The following LIG1 variants were observed in gnomAD, a reference collection of about 807,000 sequenced individuals.
LIG1 encodes ligase I, DNA, ATP-dependent.
Under a neutral mutation model 115.7 loss-of-function variants are expected in LIG1, and 70 were observed. That is an observed-to-expected ratio of 0.60 (90% CI 0.50 to 0.74). The LOEUF (loss-of-function observed/expected upper bound fraction) is 0.74. Ranked by LOEUF, LIG1 falls within the 30% of genes least tolerant of loss-of-function variation. The pLI, the probability that LIG1 is intolerant of heterozygous loss-of-function variation, is 0.00. For missense variants in LIG1, 1,115 were observed against 1,225.6 expected (o/e 0.91, Z 1.35); for synonymous variants, 487 against 495.3 (o/e 0.98, Z 0.22).
At chr19:48,126,168 G>C (rs1280304680) in intron 21 of LIG1, among the ~76,000 whole-genome samples, 4 of 152,226 alleles carry the variant, frequency 2.6e-5, no homozygotes, top group African/African-American at 7.2e-5. Flanking sequence ...CTGACACACA[G>C]AGAGGCTGAG....
chr19:48,137,932 T>G lies in LIG1; in HGVS notation c.1088-244A>C, dbSNP rs914778589. ...CAGGAAAGCGGTGGATGAACGAGCATGACCACACTCAGGGGAGACATCTGG... is the reference window on the plus strand; with the variant it reads ...CAGGAAAGCGGTGGATGAACGAGCAGGACCACACTCAGGGGAGACATCTGG... On this transcript the variant is annotated intron_variant, in intron 12 of 27. Coordinates refer to ENST00000263274, the MANE Select transcript of LIG1 (RefSeq NM_000234.3). The surrounding 1 kb of genome is among the most constrained non-coding windows in gnomAD (Gnocchi z 4.3). 1 of 594,270 alleles carries G rather than the reference T, an allele frequency of 1.7e-6. No homozygotes were observed. Among genetic ancestry groups the G allele is most frequent in the East Asian group, 2.9e-5 (1 of 34,242 alleles). 36.8% of individuals were successfully genotyped at this position (594,270 alleles called of 1,614,324 possible).
chr19:48,150,835 C>G (rs2035425935), intron 7 of LIG1, among the ~76,000 whole-genome samples: 1 of 151,762 alleles, frequency 6.6e-6, no homozygotes, highest in African/African-American at 2.4e-5. Context: ...GTAGCTGGAA[C>G]TACAGGTACG....
intron 2 of LIG1, among the ~76,000 whole-genome samples, chr19:48,165,070 C>T (rs977894049): frequency 6.6e-6 from 1 of 152,182 alleles, no homozygotes; most frequent in Non-Finnish European, 1.5e-5. Context: ...ACCAGCCTGA[C>T]CAACGTGGTG....
chr19:48,126,057 T>C (rs1644120027), intron 21 of LIG1, among the ~76,000 whole-genome samples: 1 of 151,664 alleles, frequency 6.6e-6, no homozygotes, highest in East Asian at 1.9e-4. Context: ...AGAGCTTCCA[T>C]GTACTAACTA....
chr19:48,139,372 T>TGCCAGATCTCTCCTGCCC (rs2034592380), intron 12 of LIG1, among the ~76,000 whole-genome samples: 1 of 152,206 alleles, frequency 6.6e-6, no homozygotes, highest in Non-Finnish European at 1.5e-5. Context: ...ATCCACTGTC[T>TGCCAGATCTCTCCTGCCC]GCCAGATCTC....
chr19:48,167,844 A>C lies in LIG1; in HGVS notation c.-57-2221T>G, dbSNP rs1286392660. On this transcript the variant is annotated intron_variant, in intron 1 of 27. Transcript: ENST00000263274. Reference sequence around the variant, plus strand: ...CCGTCTTAAAAAAAAAAAAAAAAAAAAAAAAACAAACAAAAAAGAAACTCA... The same window carrying C: ...CCGTCTTAAAAAAAAAAAAAAAAAACAAAAAACAAACAAAAAAGAAACTCA... 4.3e-4 allele frequency among the ~76,000 whole-genome samples: 64 copies of C among 149,048 alleles called. 2 individuals carry two copies. Among genetic ancestry groups the C allele is most frequent in the African/African-American group, 1.5e-3 (59 of 39,454 alleles).
intron 19 of LIG1, among the ~76,000 whole-genome samples, chr19:48,130,743 A>T (rs931047659): frequency 1.3e-5 from 2 of 152,200 alleles, no homozygotes; most frequent in Non-Finnish European, 2.9e-5. Flanking sequence ...GTCTGGAAGA[A>T]TGACATCTGT....
intron 1 of LIG1, among the ~76,000 whole-genome samples, chr19:48,168,438 C>T (rs1484919946): frequency 6.6e-6 from 1 of 152,202 alleles, no homozygotes; most frequent in East Asian, 1.9e-4. Context: ...TCAAGGCTGG[C>T]TTCTCAACTC....
intron 24 of LIG1, chr19:48,120,264 C>A (rs2033171671): frequency 1.0e-6 from 1 of 985,420 alleles, no homozygotes. Context: ...CTTGAAAACT[C>A]TTGTGCGGGC....
intron 1 of LIG1, among the ~76,000 whole-genome samples, chr19:48,166,000 G>A (rs147738459): frequency 6.6e-6 from 1 of 152,288 alleles, no homozygotes; most frequent in African/African-American, 2.4e-5. Context: ...AATTGTACCC[G>A]CTGGTCTACA....
rs112372375 is a variant in LIG1 at position 48,146,554 on chromosome 19, C to A, written c.777-2591G>T. Among the ~76,000 whole-genome samples, 478 of 152,298 alleles carry A rather than the reference C, an allele frequency of 3.1e-3. 8 individuals carry two copies. Among genetic ancestry groups the A allele is most frequent in the African/African-American group, 0.011 (450 of 41,556 alleles). On this transcript the variant is annotated intron_variant, in intron 9 of 27. Transcript: ENST00000263274. ...AAGTAGCCGGGCATGGTGGCGCATG[C>A]CTGTAATCCCAGCTACCTGGGAGGC...
chr19:48,127,066 T>C (rs535395383), intron 21 of LIG1: 1 of 576,210 alleles, frequency 1.7e-6, no homozygotes, highest in East Asian at 2.9e-5. Flanking sequence ...CAATGTGGAG[T>C]TGGAAAGAGA....
intron 11 of LIG1, 38 bp downstream of exon 11, chr19:48,143,505 C>CGCGGGGGGGG: frequency 2.4e-6 from 2 of 850,466 alleles, no homozygotes; most frequent in Non-Finnish European, 4.0e-6. Context: ...GACCCAGAAG[C>CGCGGGGGGGG]GACCCCGCCC....
At chr19:48,131,268 G>A (rs2034006843) in intron 18 of LIG1, 97 bp from the exon 19 acceptor site, 1 of 864,258 alleles carries the variant, frequency 1.2e-6, no homozygotes, top group East Asian at 2.5e-5. Context: ...GAAGGTTCTG[G>A]AAGCTCTGGA....
chr19:48,142,779 G>T (rs913579789), intron 11 of LIG1, among the ~76,000 whole-genome samples: 3 of 152,106 alleles, frequency 2.0e-5, no homozygotes, highest in East Asian at 1.9e-4. Context: ...GAGTAGCCGG[G>T]ATTACAGGCA....
intron 21 of LIG1, among the ~76,000 whole-genome samples, chr19:48,123,852 A>AT (rs111627735): frequency 0.44 from 65,330 of 148,900 alleles, 14,366 homozygotes; most frequent in East Asian, 0.74. Flanking sequence ...CCCCAAGATA[A>AT]TTAAAAAAAA....
chr19:48,138,498 A>G (rs1289251403), intron 12 of LIG1, among the ~76,000 whole-genome samples: 1 of 152,260 alleles, frequency 6.6e-6, no homozygotes, highest in Admixed American at 6.5e-5. Flanking sequence ...CGAAACTGCC[A>G]CAAATGGGAG....
intron 27 of LIG1, 55 bp from the exon 28 acceptor site, chr19:48,115,787 C>T: frequency 6.3e-7 from 1 of 1,579,922 alleles, no homozygotes; most frequent in Non-Finnish European, 8.7e-7. Context: ...GCTCCCACCT[C>T]CACAAGGTTC....
chr19:48,133,576 T>G, intron 17 of LIG1: 1 of 318,408 alleles, frequency 3.1e-6, no homozygotes, highest in South Asian at 3.0e-5. Context: ...AAATTCTATC[T>G]GGCCTGACCC....
Sources: gnomAD v4.1 joint callset for allele counts (sites outside exome capture counted in the v4.1 genomes callset) on GRCh38, gnomAD v4.1.1 for gene constraint, Gnocchi (gnomAD v3.1) non-coding constraint, MANE v1.5 for transcripts, NCBI Gene and HGNC (gene_info 2026-07-23, HGNC 2026-07-21) for gene names.